The following CYP7B1 variants were observed in gnomAD, a reference collection of about 807,000 sequenced individuals.
CYP7B1 encodes the protein cytochrome P450 family 7 subfamily B member 1, also known as cytochrome P450 7B1.
In CYP7B1, 29 loss-of-function variants were observed where a neutral mutation model predicts 42.7. The observed-to-expected ratio is 0.68, with a 90% CI of 0.51 to 0.93. The LOEUF is 0.93. Among genes scored for constraint, CYP7B1 ranks in the 40% least tolerant of loss-of-function variants. The pLI is 0.00. For missense variants in CYP7B1, 655 were observed against 600.5 expected, an observed-to-expected ratio of 1.09 and a Z score of -0.95; for synonymous variants, 235 against 218.2, an observed-to-expected ratio of 1.08 and a Z score of -0.68.
intron 1 of CYP7B1, among the ~76,000 whole-genome samples, chr8:64,646,988 C>T (rs1057331074): frequency 3.3e-5 from 5 of 152,208 alleles, no homozygotes; most frequent in Admixed American, 6.5e-5. Context: ...TTTCAACATG[C>T]CTTCCTCACT....
chr8:64,687,248 C>G (rs1162151092), intron 1 of CYP7B1, among the ~76,000 whole-genome samples: 1 of 152,052 alleles, frequency 6.6e-6, no homozygotes, highest in Non-Finnish European at 1.5e-5. Flanking sequence ...GAATATTATT[C>G]AGTCATAAAA....
intron 1 of CYP7B1, among the ~76,000 whole-genome samples, chr8:64,670,233 G>A (rs1159561432): frequency 6.6e-6 from 1 of 152,138 alleles, no homozygotes; most frequent in Non-Finnish European, 1.5e-5. Context: ...GCCAGCAGTA[G>A]AGCCAAAGCA....
intron 1 of CYP7B1, among the ~76,000 whole-genome samples, chr8:64,714,367 A>G (rs1242312350): frequency 2.6e-5 from 4 of 152,264 alleles, no homozygotes; most frequent in African/African-American, 9.6e-5. Flanking sequence ...AAAAAGATGA[A>G]GAACATGTTA....
At chr8:64,629,265 G>A (rs1392710259) in intron 1 of CYP7B1, among the ~76,000 whole-genome samples, 1 of 148,350 alleles carries the variant, frequency 6.7e-6, no homozygotes, top group Non-Finnish European at 1.5e-5. Context: ...GCTTCTTACA[G>A]CAATCTATAC....
At chr8:64,658,162 A>C (rs1160312141) in intron 1 of CYP7B1, among the ~76,000 whole-genome samples, 2 of 152,162 alleles carry the variant, frequency 1.3e-5, no homozygotes, top group African/African-American at 4.8e-5. Flanking sequence ...TACCTTATAG[A>C]TTCGAATTTC....
At chr8:64,669,715 T>G (rs1233844480) in intron 1 of CYP7B1, among the ~76,000 whole-genome samples, 1 of 149,924 alleles carries the variant, frequency 6.7e-6, no homozygotes, top group Non-Finnish European at 1.5e-5. Context: ...GGAATGAAGG[T>G]TTTACATACA....
chr8:64,656,830 G>A (rs4395923), intron 1 of CYP7B1, among the ~76,000 whole-genome samples: 75,697 of 151,942 alleles, frequency 0.5, 20,230 homozygotes, highest in Non-Finnish European at 0.58. Context: ...TTACACCTGC[G>A]ATGTGATTGG....
intron 1 of CYP7B1, among the ~76,000 whole-genome samples, chr8:64,727,229 A>G (rs1398988009): frequency 6.6e-6 from 1 of 152,178 alleles, no homozygotes; most frequent in Non-Finnish European, 1.5e-5. Flanking sequence ...AAAGGCTCTC[A>G]ATTCATTTTC....
intron 1 of CYP7B1, among the ~76,000 whole-genome samples, chr8:64,742,849 C>T (rs1366592729): frequency 6.6e-6 from 1 of 152,158 alleles, no homozygotes; most frequent in Non-Finnish European, 1.5e-5. Context: ...TTGTAACCCT[C>T]CATATGTCCT....
At chr8:64,604,933 T>G in intron 4 of CYP7B1, 76 bp from the exon 5 acceptor site, 2 of 1,436,568 alleles carry the variant, frequency 1.4e-6, no homozygotes, top group Non-Finnish European at 1.9e-6. Flanking sequence ...GCAATAAAAC[T>G]CATTACTAAT....
chr8:64,658,614 T>C (rs1806156370), intron 1 of CYP7B1, among the ~76,000 whole-genome samples: 1 of 152,204 alleles, frequency 6.6e-6, no homozygotes, highest in African/African-American at 2.4e-5. Context: ...GTTCCTTTAC[T>C]GTGAAGTTAT....
At chr8:64,596,982 T>A in intron 5 of CYP7B1, 53 bp from the exon 6 acceptor site, 1 of 1,498,484 alleles carries the variant, frequency 6.7e-7, no homozygotes, top group Non-Finnish European at 9.1e-7. Flanking sequence ...TAGTTTGAGT[T>A]CAAGTCCACA....
intron 1 of CYP7B1, among the ~76,000 whole-genome samples, chr8:64,636,783 G>C (rs148702291): frequency 0.014 from 2,083 of 152,232 alleles, 24 homozygotes; most frequent in Non-Finnish European, 0.022. Flanking sequence ...TTAGGAGAAA[G>C]CGAGTCAAAA....
intron 1 of CYP7B1, among the ~76,000 whole-genome samples, chr8:64,659,623 C>T (rs1437567448): frequency 2.6e-5 from 4 of 152,164 alleles, no homozygotes; most frequent in African/African-American, 9.7e-5. Context: ...GTACAAAGAT[C>T]ACTGTATACT....
chr8:64,618,419 T>A (rs1409881005), intron 2 of CYP7B1, among the ~76,000 whole-genome samples: 1 of 152,170 alleles, frequency 6.6e-6, no homozygotes, highest in Non-Finnish European at 1.5e-5. Flanking sequence ...TTCCTACAAT[T>A]TTCTATATTC....
chr8:64,653,438 A>G (rs1365925633), intron 1 of CYP7B1, among the ~76,000 whole-genome samples: 1 of 152,202 alleles, frequency 6.6e-6, no homozygotes, highest in Non-Finnish European at 1.5e-5. Flanking sequence ...CACCCTCTCA[A>G]GACTGAACCA....
At chr8:64,659,883 G>T (rs1012950988) in intron 1 of CYP7B1, among the ~76,000 whole-genome samples, 1 of 152,152 alleles carries the variant, frequency 6.6e-6, no homozygotes, top group Non-Finnish European at 1.5e-5. Flanking sequence ...AGGCTTGGTG[G>T]TTATCAGTGC....
Position 64,769,240 on chromosome 8 carries a change from C to A in CYP7B1, c.122+29226G>T, listed in dbSNP as rs559874182. Reference sequence around the variant, plus strand: ...ATCTATGGAACGGGATGGCACCATGCCTTGATGAAAACATCATAACAAACA... The same window carrying A: ...ATCTATGGAACGGGATGGCACCATGACTTGATGAAAACATCATAACAAACA... On this transcript the variant is annotated intron_variant, in intron 1 of 5. Transcript: ENST00000310193. Among the ~76,000 whole-genome samples, 185 of 152,198 alleles carry A rather than the reference C, an allele frequency of 1.2e-3. 1 individual carries two copies. Among genetic ancestry groups the A allele is most frequent in the Non-Finnish European group, 2.1e-3 (143 of 68,004 alleles).
At chr8:64,763,493 A>C (rs6472151) in intron 1 of CYP7B1, among the ~76,000 whole-genome samples, 2 of 152,234 alleles carry the variant, frequency 1.3e-5, no homozygotes, top group Admixed American at 6.5e-5. Context: ...TCTCTAAAGC[A>C]GTGAGTAATA....
Sources: gnomAD v4.1 joint callset for allele counts (sites outside exome capture counted in the v4.1 genomes callset) on GRCh38, gnomAD v4.1.1 for gene constraint, MANE v1.5 for transcripts, NCBI Gene and HGNC (gene_info 2026-07-23, HGNC 2026-07-21) for gene names.